Variants in FEZ2 observed in about 807,000 individuals in gnomAD.
FEZ2 encodes the protein fasciculation and elongation protein zeta-2.
FEZ2 carries 51 observed loss-of-function variants against 40.4 expected under a neutral mutation model. That is an observed-to-expected ratio of 1.26 (90% confidence interval 1.01 to 1.59). The LOEUF (loss-of-function observed/expected upper bound fraction) is 1.59. FEZ2 is among the 40% of genes most tolerant of loss of function. FEZ2 has a pLI of 0.00. For missense variants in FEZ2, 640 were observed against 438.3 expected (o/e 1.46, Z -4.11); for synonymous variants, 242 against 172.0 (o/e 1.41, Z -3.18).
intron 5 of FEZ2, among the ~76,000 whole-genome samples, chr2:36,564,514 G>C (rs1668179022): frequency 1.3e-5 from 2 of 152,076 alleles, no homozygotes; most frequent in African/African-American, 4.8e-5. Context: ...TCCAGCATAA[G>C]GGGGCACAAA....
Position 36,575,322 on chromosome 2 carries a change from C to T in FEZ2, c.903+3275G>A, listed in dbSNP as rs150595537. On this transcript the variant is annotated intron_variant, in intron 5 of 7. Coordinates refer to ENST00000405912, the MANE Select transcript of FEZ2 (RefSeq NM_005102.3). The stretch of plus-strand genomic sequence containing the variant: ...GCCTCAGACTCCCAAGTAGTTGGGA[C>T]TACAGGTGCATGCCACCACACCTGG... 5.8e-3 allele frequency among the ~76,000 whole-genome samples: 877 copies of T among 151,898 alleles called. 10 individuals are homozygous for T. Among genetic ancestry groups the T allele is most frequent in the African/African-American group, 0.02 (827 of 41,418 alleles).
intron 4 of FEZ2, among the ~76,000 whole-genome samples, chr2:36,580,712 C>T (rs1382002237): frequency 6.6e-6 from 1 of 152,210 alleles, no homozygotes; most frequent in African/African-American, 2.4e-5. Flanking sequence ...CTTATAGACT[C>T]AATTGTGTCC....
intron 6 of FEZ2, chr2:36,556,502 A>G (rs1364282599): frequency 2.6e-5 from 4 of 152,322 alleles, no homozygotes; most frequent in Admixed American, 2.0e-4. Context: ...TCCTGGTAAA[A>G]ATATTTCACT....
chr2:36,581,514 C>G lies in FEZ2; in HGVS notation c.493-83G>C, dbSNP rs539893611. 540 of 1,252,184 alleles carry G rather than the reference C, an allele frequency of 4.3e-4. 6 individuals carry two copies. The South Asian group carries it at 6.7e-3, about 16-fold the overall frequency. The allele number at this position is 1,252,184 out of a possible 1,614,324, so 77.6% of individuals were successfully genotyped here. ...GGAACACAGTGCTCACCTAAGGCACCCAGAGCAGAAATGCACTGAATTCTC... is the reference window on the plus strand; with the variant it reads ...GGAACACAGTGCTCACCTAAGGCACGCAGAGCAGAAATGCACTGAATTCTC... On this transcript the variant is annotated intron_variant, in intron 3 of 7. Coordinates refer to ENST00000405912, the MANE Select transcript of FEZ2 (RefSeq NM_005102.3).
chr2:36,584,167 G>C (rs985595906), intron 2 of FEZ2: 2 of 152,288 alleles, frequency 1.3e-5, no homozygotes, highest in African/African-American at 2.4e-5. Context: ...AGGTGGGATG[G>C]TGAAGGCTGG....
At chr2:36,577,937 C>T (rs894703617) in intron 5 of FEZ2, among the ~76,000 whole-genome samples, 1 of 152,216 alleles carries the variant, frequency 6.6e-6, no homozygotes, top group African/African-American at 2.4e-5. Flanking sequence ...ACCAACATTT[C>T]TTCACACACA....
chr2:36,565,810 A>G (rs1412725229), intron 5 of FEZ2, among the ~76,000 whole-genome samples: 2 of 152,136 alleles, frequency 1.3e-5, no homozygotes, highest in Non-Finnish European at 2.9e-5. Context: ...GGGTCAGTGT[A>G]GTGGGGTGGG....
chr2:36,566,953 C>G (rs1668258313), intron 5 of FEZ2, among the ~76,000 whole-genome samples: 1 of 150,984 alleles, frequency 6.6e-6, no homozygotes, highest in African/African-American at 2.4e-5. Flanking sequence ...TAGACACACA[C>G]ACACTCTCTC....
chr2:36,576,329 G>T (rs1668567121), intron 5 of FEZ2, among the ~76,000 whole-genome samples: 1 of 152,020 alleles, frequency 6.6e-6, no homozygotes, highest in South Asian at 2.1e-4. Flanking sequence ...GAGTACAGTG[G>T]AGCAATCTTG....
chr2:36,587,686 A>T (rs776676412), intron 2 of FEZ2, among the ~76,000 whole-genome samples: 1 of 152,212 alleles, frequency 6.6e-6, no homozygotes, highest in African/African-American at 2.4e-5. Context: ...ACTTGGTTTT[A>T]TAAGTAAAAT....
At chr2:36,573,484 C>T (rs777514385) in intron 5 of FEZ2, among the ~76,000 whole-genome samples, 1 of 152,186 alleles carries the variant, frequency 6.6e-6, no homozygotes, top group Non-Finnish European at 1.5e-5. Flanking sequence ...CCCAATAGAA[C>T]AATAATAATT....
At chr2:36,569,132 A>G (rs1013415283) in intron 5 of FEZ2, among the ~76,000 whole-genome samples, 1 of 152,238 alleles carries the variant, frequency 6.6e-6, no homozygotes, top group African/African-American at 2.4e-5. Context: ...GGAAATAATA[A>G]CAATAATACC....
chr2:36,555,592 G>T, intron 7 of FEZ2, 91 bp downstream of exon 7: 2 of 604,376 alleles, frequency 3.3e-6, no homozygotes, highest in South Asian at 3.0e-5. Flanking sequence ...TGTGCATTGG[G>T]AAGTTACTGT....
chr2:36,586,018 A>G (rs1032070342), intron 2 of FEZ2, among the ~76,000 whole-genome samples: 3 of 152,236 alleles, frequency 2.0e-5, no homozygotes, highest in Non-Finnish European at 4.4e-5. Context: ...TTTAAGTCCT[A>G]TAGTTCTAAT....
At chr2:36,565,330 C>A (rs72795253) in intron 5 of FEZ2, among the ~76,000 whole-genome samples, 4 of 152,168 alleles carry the variant, frequency 2.6e-5, no homozygotes, top group Non-Finnish European at 5.9e-5. Flanking sequence ...ATGTAACTAC[C>A]TGACCTAAAA....
intron 5 of FEZ2, among the ~76,000 whole-genome samples, chr2:36,565,972 C>T (rs897237200): frequency 2.0e-5 from 3 of 152,174 alleles, no homozygotes; most frequent in East Asian, 1.9e-4. Flanking sequence ...TGAGAATCAC[C>T]GCACTAAAGC....
chr2:36,564,928 C>T (rs1195216450), intron 5 of FEZ2, among the ~76,000 whole-genome samples: 1 of 152,220 alleles, frequency 6.6e-6, no homozygotes, highest in Non-Finnish European at 1.5e-5. Context: ...CAATGTGTTG[C>T]AATGGCTGGC....
At chr2:36,556,031 GA>G (rs1466002024) in intron 6 of FEZ2, 1 of 564,278 alleles carries the variant, frequency 1.8e-6, no homozygotes, top group East Asian at 4.6e-5. Context: ...AAAAAAAGAG[GA>G]ACTGGGTTAT....
At chr2:36,570,583 G>A (rs1450970061) in intron 5 of FEZ2, among the ~76,000 whole-genome samples, 2 of 152,164 alleles carry the variant, frequency 1.3e-5, no homozygotes, top group Non-Finnish European at 2.9e-5. Context: ...TACATTCTAA[G>A]AAATGAGTCA....
Sources: allele counts gnomAD v4.1 joint callset (sites outside exome capture counted in the v4.1 genomes callset), GRCh38; gene constraint gnomAD v4.1.1; transcripts MANE v1.5; gene names NCBI Gene and HGNC (gene_info 2026-07-23, HGNC 2026-07-21).